FAM117B: variants seen among roughly 807,000 people sequenced by gnomAD.
FAM117B encodes protein FAM117B.
Under a neutral mutation model 52.8 loss-of-function variants are expected in FAM117B, and 22 were observed. The ratio of observed to expected loss-of-function variants is 0.42; its 90% CI spans 0.30 to 0.59. The LOEUF (loss-of-function observed/expected upper bound fraction) is 0.59. Ranked by LOEUF, FAM117B falls within the 20% of genes least tolerant of loss-of-function variation. The pLI, the probability that FAM117B is intolerant of heterozygous loss-of-function variation, is 0.22. For missense variants in FAM117B, 678 were observed against 802.6 expected, an observed-to-expected ratio of 0.84 and a Z score of 1.88; for synonymous variants, 309 against 324.1, an observed-to-expected ratio of 0.95 and a Z score of 0.50.
chr2:202,656,830 T>A (rs1314642476), intron 1 of FAM117B, among the ~76,000 whole-genome samples: 1 of 152,180 alleles, frequency 6.6e-6, no homozygotes, highest in Admixed American at 6.5e-5. Context: ...TTCTTTCAGT[T>A]GTTGCTTCAT....
intron 2 of FAM117B, among the ~76,000 whole-genome samples, chr2:202,708,566 C>G (rs1237346572): frequency 1.3e-5 from 2 of 152,066 alleles, no homozygotes; most frequent in African/African-American, 2.4e-5. Flanking sequence ...GATTTCAGTT[C>G]TTTTGGAATT....
At chr2:202,735,067 G>T (rs1353384496) in intron 4 of FAM117B, among the ~76,000 whole-genome samples, 3 of 151,974 alleles carry the variant, frequency 2.0e-5, no homozygotes, top group Non-Finnish European at 4.4e-5. Context: ...AGATTACACT[G>T]CCTTTTTGTA....
intron 1 of FAM117B, among the ~76,000 whole-genome samples, chr2:202,681,341 A>G (rs1690460213): frequency 6.6e-6 from 1 of 152,216 alleles, no homozygotes; most frequent in Non-Finnish European, 1.5e-5. Context: ...AACCATTTAA[A>G]TTAAAATACA....
In FAM117B at chr2:202,661,991, T is replaced by C. The variant is rs550369064; in HGVS notation, c.601+26203T>C. Among the ~76,000 whole-genome samples, 4 of 148,840 alleles carry C rather than the reference T, an allele frequency of 2.7e-5. No individual in the cohort carries two copies. The East Asian group carries it at 7.9e-4, about 30-fold the overall frequency. On this transcript the variant is annotated intron_variant, in intron 1 of 7. Transcript: ENST00000392238. ...GGGTAAGTATCCAAAGGAAATGAAA[T>C]CAGTATGTCGAAGAGATACTTGCAC...
At chr2:202,756,499 C>T (rs1167571967) in intron 5 of FAM117B, among the ~76,000 whole-genome samples, 2 of 152,012 alleles carry the variant, frequency 1.3e-5, no homozygotes, top group Non-Finnish European at 2.9e-5. Context: ...TTTATCTAAC[C>T]GTCTCTCTAT....
chr2:202,692,796 A>G (rs1439206083), intron 1 of FAM117B, among the ~76,000 whole-genome samples: 1 of 152,218 alleles, frequency 6.6e-6, no homozygotes. Flanking sequence ...TGAGAGGGCC[A>G]TATGAGGTCT....
chr2:202,694,637 C>T (rs1559103907), intron 1 of FAM117B, among the ~76,000 whole-genome samples: 1 of 151,986 alleles, frequency 6.6e-6, no homozygotes, highest in Non-Finnish European at 1.5e-5. Context: ...GGCAAATACC[C>T]ACTTTGTTTG....
intron 1 of FAM117B, among the ~76,000 whole-genome samples, chr2:202,657,969 T>C (rs1178089497): frequency 6.6e-6 from 1 of 152,234 alleles, no homozygotes; most frequent in Non-Finnish European, 1.5e-5. Flanking sequence ...GTTAATACTT[T>C]ACTGCTTCAG....
At chr2:202,650,843 T>C (rs569002206) in intron 1 of FAM117B, among the ~76,000 whole-genome samples, 108 of 152,300 alleles carry the variant, frequency 7.1e-4, no homozygotes, top group African/African-American at 2.5e-3. Flanking sequence ...TGCTTTATTC[T>C]AGCCGCACTG....
chr2:202,744,340 A>C (rs1691597029), intron 4 of FAM117B, among the ~76,000 whole-genome samples: 1 of 152,244 alleles, frequency 6.6e-6, no homozygotes, highest in African/African-American at 2.4e-5. Flanking sequence ...CAAGAGAGAT[A>C]GAGGCATGGT....
chr2:202,714,399 T>C (rs189467566), intron 2 of FAM117B, among the ~76,000 whole-genome samples: 27 of 152,260 alleles, frequency 1.8e-4, no homozygotes, highest in African/African-American at 6.3e-4. Flanking sequence ...GTACTGAAAG[T>C]GGGGTGGTGA....
intron 2 of FAM117B, among the ~76,000 whole-genome samples, chr2:202,715,362 A>C (rs1389385518): frequency 6.7e-6 from 1 of 148,796 alleles, no homozygotes; most frequent in African/African-American, 2.5e-5. Context: ...CTCACTTCCC[A>C]GACGGGGTGG....
chr2:202,699,217 A>C (rs146289328), intron 2 of FAM117B, among the ~76,000 whole-genome samples: 3,554 of 152,140 alleles, frequency 0.023, 55 homozygotes, highest in Non-Finnish European at 0.037. Context: ...ACCTGAGGTC[A>C]GGAGTTCGAG....
chr2:202,741,989 A>G (rs192783031), intron 4 of FAM117B, among the ~76,000 whole-genome samples: 3 of 152,378 alleles, frequency 2.0e-5, no homozygotes, highest in East Asian at 3.9e-4. Flanking sequence ...AATGAAATTA[A>G]TAAGTACTAC....
At chr2:202,652,736 C>G (rs545833023) in intron 1 of FAM117B, among the ~76,000 whole-genome samples, 1 of 152,188 alleles carries the variant, frequency 6.6e-6, no homozygotes, top group South Asian at 2.1e-4. Flanking sequence ...AGGTCTACTC[C>G]TGGAAATTAA....
rs1689653671 is a variant in FAM117B, at chr2:202,635,078, T to G, written c.-110T>G. 8.1e-7 allele frequency: 1 copy of G among 1,227,996 alleles called. No individual in the cohort carries two copies. Among genetic ancestry groups the G allele is most frequent in the East Asian group, 3.2e-5 (1 of 30,862 alleles). The allele number at this position is 1,227,996 out of a possible 1,614,324, so 76.1% of individuals were successfully genotyped here. ...TCCCCCTGCACCCCGGAGTCCGGCT[T>G]CGTCACCCCGTCTTGGGGGGCCTGC... On this transcript the variant is annotated 5_prime_UTR_variant, in exon 1 of 8. Transcript: ENST00000392238.
Position 202,695,892 on chromosome 2 carries a change from C to G in FAM117B, c.613C>G (p.Arg205Gly). ...APVCKAGDKT[R>G]QPSSSPSSII... is the part of the protein sequence containing the mutation. ...TGTCTTAAATCTAGGTGACAAAACA[C>G]GACAGCCTTCTTCAAGCCCCTCCAG... Residue 205 changes from arginine (R) to glycine (G), a missense_variant, in exon 2 of 8, where the codon CGA becomes GGA. Transcript: ENST00000392238. 6.3e-7 allele frequency: 1 copy of G among 1,597,144 alleles called. No homozygotes were observed. Among genetic ancestry groups the G allele is most frequent in the South Asian group, 1.1e-5 (1 of 88,750 alleles).
intron 4 of FAM117B, among the ~76,000 whole-genome samples, chr2:202,751,083 A>G (rs1311827486): frequency 1.3e-5 from 2 of 152,356 alleles, no homozygotes; most frequent in Middle Eastern, 3.4e-3. Context: ...ATCAAAAAAT[A>G]TAAGGGCTAA....
In FAM117B at chr2:202,715,250, G is replaced by A. The variant is rs538563714; in HGVS notation, c.754-9667G>A. Among the ~76,000 whole-genome samples the A allele has an allele frequency of 2.8e-3, 401 of 142,456 alleles. 2 individuals carry two copies. The highest frequency in any genetic ancestry group is 9.5e-3 in the African/African-American group (371 of 39,230). 93.5% of individuals were successfully genotyped at this position (142,456 alleles called of 152,430 possible). A position where few individuals can be genotyped will look rare whatever the true frequency, so the allele number is the denominator to read the frequency against. On this transcript the variant is annotated intron_variant, in intron 2 of 7. Coordinates refer to ENST00000392238, the MANE Select transcript of FAM117B (RefSeq NM_173511.4). ...TCCCGGACGGGGCGGCTGGCCGGGCGGGGGCTGACCCCCCACCTCCCTCCG... is the reference window on the plus strand; with the variant it reads ...TCCCGGACGGGGCGGCTGGCCGGGCAGGGGCTGACCCCCCACCTCCCTCCG...
Sources: allele counts gnomAD v4.1 joint callset (sites outside exome capture counted in the v4.1 genomes callset), GRCh38; gene constraint gnomAD v4.1.1; transcripts MANE v1.5; gene names NCBI Gene and HGNC (gene_info 2026-07-23, HGNC 2026-07-21).